The following ANKAR variants were observed in gnomAD, a reference collection of about 807,000 sequenced individuals.
ANKAR encodes the protein ankyrin and armadillo repeat containing.
In ANKAR, 136 loss-of-function variants were observed where a neutral mutation model predicts 146.2. That is an observed-to-expected ratio of 0.93 (90% CI 0.81 to 1.07). The LOEUF is 1.07. Among genes scored for constraint, ANKAR ranks in the 50% least tolerant of loss-of-function variants. The pLI, the probability that ANKAR is intolerant of heterozygous loss-of-function variation, is 0.00. For synonymous variants in ANKAR, 500 were observed against 575.8 expected, an observed-to-expected ratio of 0.87 and a Z score of 1.88; for missense variants, 1,567 against 1,679.9, an observed-to-expected ratio of 0.93 and a Z score of 1.18.
At chr2:189,719,131 T>C (rs2040940701) in intron 10 of ANKAR, among the ~76,000 whole-genome samples, 1 of 152,252 alleles carries the variant, frequency 6.6e-6, no homozygotes, top group Non-Finnish European at 1.5e-5. Flanking sequence ...TTCAGCACTT[T>C]TTGTTTTTCA....
chr2:189,729,721 G>C (rs565305026), intron 15 of ANKAR, among the ~76,000 whole-genome samples: 1 of 3,616 alleles, frequency 2.8e-4, no homozygotes, highest in Non-Finnish European at 1.7e-3. Context: ...TGTGTGGTGC[G>C]GGTGGGGGGT....
At chr2:189,742,177 C>T (rs904127981) in intron 20 of ANKAR, among the ~76,000 whole-genome samples, 5 of 152,126 alleles carry the variant, frequency 3.3e-5, no homozygotes, top group African/African-American at 4.8e-5. Context: ...TATTGCTTGG[C>T]CCCATTCCTA....
At chr2:189,692,882 ATG>A (rs1362245188) in intron 4 of ANKAR, 190 bp from the exon 5 acceptor site, 1 of 371,156 alleles carries the variant, frequency 2.7e-6, no homozygotes, top group African/African-American at 2.1e-5. Context: ...TCTGTATACT[ATG>A]TGTCTTTCCT....
At chr2:189,695,656 T>C (rs1455048907) in intron 6 of ANKAR, among the ~76,000 whole-genome samples, 1 of 152,228 alleles carries the variant, frequency 6.6e-6, no homozygotes, top group Non-Finnish European at 1.5e-5. Flanking sequence ...GCAAAGAAGC[T>C]CACCAGCTTC....
At chr2:189,700,290 C>T (rs918086067) in intron 7 of ANKAR, among the ~76,000 whole-genome samples, 3 of 152,208 alleles carry the variant, frequency 2.0e-5, no homozygotes, top group African/African-American at 7.2e-5. Flanking sequence ...CCTCCGCACA[C>T]TTCCTGCTTG....
intron 6 of ANKAR, among the ~76,000 whole-genome samples, 163 bp from the exon 7 acceptor site, chr2:189,695,987 A>G (rs2037140551): frequency 6.6e-6 from 1 of 152,236 alleles, no homozygotes; most frequent in South Asian, 2.1e-4. Context: ...TAACTACTTT[A>G]ATCATTATCC....
At chr2:189,709,099 A>AAAATAAATAAATAAAT (rs774081735) in intron 9 of ANKAR, among the ~76,000 whole-genome samples, 86 of 150,748 alleles carry the variant, frequency 5.7e-4, no homozygotes, top group African/African-American at 1.9e-3. Context: ...ACTTCGTCTC[A>AAAATAAATAAATAAAT]AAATAAATAA....
intron 10 of ANKAR, 41 bp from the exon 11 acceptor site, chr2:189,719,531 A>G (rs781762449): frequency 2.0e-6 from 3 of 1,535,060 alleles, no homozygotes; most frequent in Non-Finnish European, 2.7e-6. Context: ...ATGGTTACCA[A>G]TAATTCATGC....
intron 7 of ANKAR, among the ~76,000 whole-genome samples, chr2:189,700,623 AAT>A (rs958672640): frequency 1.4e-4 from 21 of 152,290 alleles, no homozygotes; most frequent in African/African-American, 5.1e-4. Context: ...TGCGCTAGCA[AAT>A]ACTAGGTCTT....
At chr2:189,744,816 G>A (rs1451193785) in intron 22 of ANKAR, 28 bp downstream of exon 22, 8 of 1,489,374 alleles carry the variant, frequency 5.4e-6, no homozygotes, top group Non-Finnish European at 7.5e-6. Flanking sequence ...TATCTATGAA[G>A]TACCTTCTAG....
intron 4 of ANKAR, 107 bp downstream of exon 4, chr2:189,692,525 T>C: frequency 2.1e-6 from 2 of 951,882 alleles, no homozygotes; most frequent in Non-Finnish European, 3.1e-6. Flanking sequence ...GCTCTCCAAA[T>C]GATTATTCTC....
At chr2:189,742,981 C>CACACACACACA (rs2043594149) in intron 20 of ANKAR, among the ~76,000 whole-genome samples, 1 of 127,814 alleles carries the variant, frequency 7.8e-6, no homozygotes, top group African/African-American at 2.9e-5. Context: ...CACACACACA[C>CACACACACACA]CCCTGAAAGG....
At chr2:189,727,013 G>A (rs1445323571) in intron 12 of ANKAR, among the ~76,000 whole-genome samples, 1 of 152,036 alleles carries the variant, frequency 6.6e-6, no homozygotes, top group Non-Finnish European at 1.5e-5. Context: ...ATAGGAAAAT[G>A]TTTAGACTCA....
At position 189,728,567 on chromosome 2, in the gene ANKAR, A is replaced by G. The variant is rs372218366; in HGVS notation, c.3032-93A>G. 66 of 1,503,990 alleles carry G rather than the reference A, an allele frequency of 4.4e-5. 1 individual carries two copies. In the African/African-American group the frequency reaches 7.9e-4, roughly 18 times the overall value. 93.2% of individuals were successfully genotyped at this position (1,503,990 alleles called of 1,614,324 possible). A position where few individuals can be genotyped will look rare whatever the true frequency, so the allele number is the denominator to read the frequency against. On this transcript the variant is annotated intron_variant, in intron 14 of 22. Transcript: ENST00000684021. ...ATCCTCTTGCCTCAGCCTCCCAAGTAGCTGGGATTACAAGTGTCAGCCACC... is the reference window on the plus strand; with the variant it reads ...ATCCTCTTGCCTCAGCCTCCCAAGTGGCTGGGATTACAAGTGTCAGCCACC...
downstream of ANKAR, chr2:189,762,918 C>G: frequency 1.0e-6 from 1 of 985,238 alleles, no homozygotes; most frequent in African/African-American, 1.7e-5. Context: ...ACCTGCATTT[C>G]CCCCAGATTT....
In ANKAR at chr2:189,700,542, A is replaced by G. The variant is rs539019054; in HGVS notation, c.1708+4173A>G. Among the ~76,000 whole-genome samples, 10 of 152,358 alleles carry G rather than the reference A, an allele frequency of 6.6e-5. 1 individual carries two copies. In the East Asian group the frequency reaches 1.9e-3, roughly 29 times the overall value. On this transcript the variant is annotated intron_variant, in intron 7 of 22. Coordinates refer to ENST00000684021, the MANE Select transcript of ANKAR (RefSeq NM_001378068.1). ...AGCATTTATCCTTTATTTGTGTTAC[A>G]TATAATCCAGTTATACTCTTTTAGT...
At chr2:189,680,777 C>T (rs949189249) in intron 2 of ANKAR, among the ~76,000 whole-genome samples, 1 of 151,952 alleles carries the variant, frequency 6.6e-6, no homozygotes, top group African/African-American at 2.4e-5. Context: ...CAGTTTATTC[C>T]ACTGTGGTCT....
At chr2:189,743,032 C>G (rs2043603708) in intron 20 of ANKAR, among the ~76,000 whole-genome samples, 1 of 149,910 alleles carries the variant, frequency 6.7e-6, no homozygotes, top group South Asian at 2.1e-4. Context: ...TTTAAACACT[C>G]CAGGTGGTTC....
intron 18 of ANKAR, chr2:189,754,338 C>A (rs1370374829): frequency 6.2e-7 from 1 of 1,600,768 alleles, no homozygotes; most frequent in South Asian, 1.1e-5. Context: ...AGAAAGTCTT[C>A]TTGCCACCTA....
Sources: gnomAD v4.1 joint callset for allele counts (sites outside exome capture counted in the v4.1 genomes callset) on GRCh38, gnomAD v4.1.1 for gene constraint, MANE v1.5 for transcripts, NCBI Gene and HGNC (gene_info 2026-07-23, HGNC 2026-07-21) for gene names.